Variants in EIF2AK4 observed in about 807,000 individuals in gnomAD.
The protein encoded by EIF2AK4 is eukaryotic translation initiation factor 2 alpha kinase 4, also known as eIF-2-alpha kinase GCN2.
A neutral mutation model predicts 211.1 loss-of-function variants in EIF2AK4; 139 were observed. The observed-to-expected ratio is 0.66, with a 90% CI of 0.57 to 0.76. EIF2AK4 has a LOEUF of 0.76. EIF2AK4 is among the 30% of genes least tolerant of loss of function. The probability of loss-of-function intolerance (pLI) is 0.00; values close to 1 mark genes in which losing one functional copy is unlikely to be tolerated. For missense variants in EIF2AK4, 1,664 were observed against 2,043.8 expected, an observed-to-expected ratio of 0.81 and a Z score of 3.58; for synonymous variants, 710 against 751.3, an observed-to-expected ratio of 0.94 and a Z score of 0.90.
intron 32 of EIF2AK4, among the ~76,000 whole-genome samples, chr15:40,025,058 T>G (rs945747611): frequency 6.6e-6 from 1 of 152,176 alleles, no homozygotes; most frequent in African/African-American, 2.4e-5. Flanking sequence ...CTGGGATTTA[T>G]CCTACCCTCA....
chr15:39,962,989 G>A (rs931444751), intron 7 of EIF2AK4, among the ~76,000 whole-genome samples: 3 of 152,198 alleles, frequency 2.0e-5, no homozygotes, highest in African/African-American at 7.2e-5. Flanking sequence ...AAATGAGTTT[G>A]CTTTCTTTTG....
At chr15:40,029,514 C>A in intron 34 of EIF2AK4, 50 bp downstream of exon 34, 2 of 1,560,810 alleles carry the variant, frequency 1.3e-6, no homozygotes, top group South Asian at 2.3e-5. Context: ...TATGTTTGCT[C>A]TAAGCACTTA....
intron 34 of EIF2AK4, among the ~76,000 whole-genome samples, chr15:40,029,677 A>G (rs112338319): frequency 6.6e-6 from 1 of 152,078 alleles, no homozygotes; most frequent in Admixed American, 6.5e-5. Flanking sequence ...CTTCTACTCT[A>G]TCTCTTATTT....
At chr15:39,974,013 G>A (rs1335878480) in intron 11 of EIF2AK4, 4 of 268,966 alleles carry the variant, frequency 1.5e-5, no homozygotes, top group African/African-American at 8.8e-5. Flanking sequence ...CACTTCAAGT[G>A]GAATCAAGAC....
At chr15:39,934,480 T>G in intron 1 of EIF2AK4, 141 bp downstream of exon 1, 3 of 1,205,208 alleles carry the variant, frequency 2.5e-6, no homozygotes, top group Non-Finnish European at 3.4e-6. Context: ...CCATGCTCAC[T>G]TTAGTCCTTG....
chr15:39,995,870 A>G (rs1464947949), intron 18 of EIF2AK4, among the ~76,000 whole-genome samples: 1 of 152,218 alleles, frequency 6.6e-6, no homozygotes. Context: ...TATGGTAAGA[A>G]CGCTTGAGAG....
At chr15:39,942,388 G>A (rs971588240) in intron 2 of EIF2AK4, among the ~76,000 whole-genome samples, 1 of 151,904 alleles carries the variant, frequency 6.6e-6, no homozygotes, top group Admixed American at 6.5e-5. Context: ...TTGTTTTTCT[G>A]TTCTTTCCCT....
At position 40,025,959 on chromosome 15, in the gene EIF2AK4, C is replaced by A. The variant is rs769907623; in HGVS notation, c.4390-18C>A. 2.5e-6 allele frequency: 4 copies of A among 1,608,196 alleles called. No individual in the cohort carries two copies. Among genetic ancestry groups the A allele is most frequent in the Non-Finnish European group, 3.4e-6 (4 of 1,175,424 alleles). ...TTCAGAAACCTCCAAATGATAGATC[C>A]GTTTCATTCTTTTTAAGGTTAAGTC... On this transcript the variant is annotated intron_variant, in intron 32 of 38. Coordinates refer to ENST00000263791, the MANE Select transcript of EIF2AK4 (RefSeq NM_001013703.4).
At chr15:39,954,631 A>T (rs2034364794) in intron 5 of EIF2AK4, among the ~76,000 whole-genome samples, 1 of 152,244 alleles carries the variant, frequency 6.6e-6, no homozygotes. Flanking sequence ...ATCTGCCTGA[A>T]ATTTCATCCA....
intron 13 of EIF2AK4, among the ~76,000 whole-genome samples, chr15:39,982,395 C>G (rs1201110392): frequency 6.6e-6 from 1 of 152,146 alleles, no homozygotes; most frequent in Admixed American, 6.5e-5. Flanking sequence ...AAAGAATTGA[C>G]TTGACAAGGA....
chr15:39,999,017 T>G (rs2035058715), intron 20 of EIF2AK4, among the ~76,000 whole-genome samples: 1 of 152,124 alleles, frequency 6.6e-6, no homozygotes, highest in African/African-American at 2.4e-5. Flanking sequence ...TTTTGTGCAA[T>G]TCGTTGTGCT....
chr15:39,947,411 T>C (rs1465772088), intron 3 of EIF2AK4, among the ~76,000 whole-genome samples: 2 of 152,236 alleles, frequency 1.3e-5, no homozygotes, highest in Non-Finnish European at 2.9e-5. Context: ...TTATGAATGA[T>C]TTTTAATCTA....
In EIF2AK4 at chr15:39,998,765, A is replaced by T. The variant is rs761585846; in HGVS notation, c.2903A>T (p.Asp968Val). 6.2e-7 allele frequency: 1 copy of T among 1,613,002 alleles called. No homozygotes were observed. The highest frequency in any genetic ancestry group is 8.5e-7 in the Non-Finnish European group (1 of 1,179,430). ...CCTAAGTTTCCAGAAGACTTTGACG[A>T]TGGAGAGCATGCAAAGCAGGTAATT... ...TSPKFPEDFD[D>V]GEHAKQKSVI... The change falls in exon 20 of 39, where the codon GAT (aspartate) becomes GTT (valine). Residue 968 changes from aspartate (D) to valine (V), a missense_variant. Physicochemically the swap from Asp to Val is radical, Grantham distance 152 (BLOSUM62 -3). Around this residue, in one of 7 missense-constraint regions of EIF2AK4, gnomAD observed 622 missense variants for 796.8 expected, o/e 0.78. Transcript: ENST00000263791.
intron 19 of EIF2AK4, among the ~76,000 whole-genome samples, chr15:39,997,966 AT>A (rs1401027111): frequency 2.6e-5 from 4 of 152,232 alleles, no homozygotes; most frequent in African/African-American, 7.2e-5. Context: ...GATAACTAGA[AT>A]GCAGTAAGAA....
intron 33 of EIF2AK4, among the ~76,000 whole-genome samples, chr15:40,027,990 C>T (rs1260782952): frequency 3.3e-5 from 5 of 151,574 alleles, no homozygotes; most frequent in East Asian, 1.9e-4. Context: ...TCTAGAAGAA[C>T]GTACCAAATT....
chr15:39,981,543 A>G (rs890649510), intron 13 of EIF2AK4, among the ~76,000 whole-genome samples: 3 of 152,138 alleles, frequency 2.0e-5, no homozygotes, highest in African/African-American at 4.8e-5. Flanking sequence ...TAACAGTGTA[A>G]TACAGATAAT....
chr15:40,013,174 CT>C (rs1403452341), intron 27 of EIF2AK4, among the ~76,000 whole-genome samples: 15 of 151,794 alleles, frequency 9.9e-5, no homozygotes, highest in Non-Finnish European at 2.2e-4. Flanking sequence ...AAATTTTTTT[CT>C]TTTTATTTTT....
chr15:40,002,178 A>G (rs1324709091), intron 21 of EIF2AK4, among the ~76,000 whole-genome samples: 1 of 152,240 alleles, frequency 6.6e-6, no homozygotes, highest in Non-Finnish European at 1.5e-5. Flanking sequence ...AGATATTTGC[A>G]GGATTATAGG....
At chr15:39,996,674 G>A (rs1006195928) in intron 18 of EIF2AK4, among the ~76,000 whole-genome samples, 8 of 152,124 alleles carry the variant, frequency 5.3e-5, no homozygotes, top group African/African-American at 1.9e-4. Context: ...CTGCACCACT[G>A]CACTTCAGCC....
Sources: gnomAD v4.1 joint callset for allele counts (sites outside exome capture counted in the v4.1 genomes callset) on GRCh38, gnomAD v4.1.1 for gene constraint, gnomAD v4.1.1 regional missense constraint, MANE v1.5 for transcripts, NCBI Gene and HGNC (gene_info 2026-07-23, HGNC 2026-07-21) for gene names.